NBAS: variants seen among roughly 807,000 people sequenced by gnomAD.
NBAS encodes the protein NAG/BC035112 fusion.
NBAS carries 219 observed loss-of-function variants against 302.5 expected under a neutral mutation model. That is an observed-to-expected ratio of 0.72 (90% CI 0.65 to 0.81). The LOEUF is 0.81. Ranked by LOEUF, NBAS falls within the 30% of genes least tolerant of loss-of-function variation. The pLI is 0.00. For missense variants in NBAS, 2,932 were observed against 2,841.6 expected (o/e 1.03, Z -0.72); for synonymous variants, 1,118 against 1,021.6 (o/e 1.09, Z -1.80).
chr2:15,511,196 C>T lies in NBAS; in HGVS notation c.885+16G>A. ...AATGACACATAGCAAAGTGAAGTGC[C>T]ATAACTCATACTTACTGCAGTAACC... On this transcript the variant is annotated intron_variant, in intron 10 of 51. Coordinates refer to ENST00000281513, the MANE Select transcript of NBAS (RefSeq NM_015909.4). 6.2e-7 allele frequency: 1 copy of T among 1,613,860 alleles called. No individual in the cohort carries two copies. The highest frequency in any genetic ancestry group is 1.1e-5 in the South Asian group (1 of 91,058).
At chr2:15,192,894 G>A (rs1031272873) in intron 48 of NBAS, among the ~76,000 whole-genome samples, 1 of 152,126 alleles carries the variant, frequency 6.6e-6, no homozygotes, top group Admixed American at 6.5e-5. Flanking sequence ...GTGATGCACT[G>A]TATGAATAGG....
the NBAS span, among the ~76,000 whole-genome samples, chr2:15,070,639 C>T: frequency 1.3e-5 from 2 of 152,128 alleles, no homozygotes; most frequent in African/African-American, 4.8e-5. Flanking sequence ...ACTCCATGCC[C>T]CCTCACACTA....
the NBAS span, among the ~76,000 whole-genome samples, chr2:14,908,037 T>C: frequency 6.6e-6 from 1 of 152,182 alleles, no homozygotes; most frequent in African/African-American, 2.4e-5. Context: ...ACCCTGGACA[T>C]GAATCAGAAA....
chr2:15,450,137 T>A (rs1400085011), intron 21 of NBAS, among the ~76,000 whole-genome samples: 1 of 152,122 alleles, frequency 6.6e-6, no homozygotes, highest in Non-Finnish European at 1.5e-5. Flanking sequence ...TCTTTTTAAA[T>A]TTCAGGGAAT....
At chr2:14,933,297 G>A in the NBAS span, among the ~76,000 whole-genome samples, 1 of 152,062 alleles carries the variant, frequency 6.6e-6, no homozygotes, top group African/African-American at 2.4e-5. Context: ...CATTTTGTGT[G>A]GAAATTTACC....
intron 35 of NBAS, among the ~76,000 whole-genome samples, chr2:15,338,974 C>T (rs557535173): frequency 6.6e-6 from 1 of 152,242 alleles, no homozygotes; most frequent in South Asian, 2.1e-4. Flanking sequence ...AACTGCACCA[C>T]ACTGCACTCC....
At chr2:15,361,556 G>T (rs771022262) in intron 32 of NBAS, among the ~76,000 whole-genome samples, 2 of 152,046 alleles carry the variant, frequency 1.3e-5, no homozygotes, top group Non-Finnish European at 2.9e-5. Flanking sequence ...AATTCGGAAT[G>T]TTATTTTCAA....
In NBAS at chr2:15,541,889, G is replaced by A. The variant is rs1221945030; in HGVS notation, c.380-2533C>T. 3.6e-5 allele frequency among the ~76,000 whole-genome samples: 2 copies of A among 54,868 alleles called. 1 individual carries two copies. The highest frequency in any genetic ancestry group is 3.3e-4 in the Admixed American group (2 of 6,016). The allele number at this position is 54,868 out of a possible 152,430, so 36.0% of individuals were successfully genotyped here. ...AGCCCCCCGCCCGGCCAGCCGCCCC[G>A]TCCGGGAGGGAGGTGGGGGGGTTCA... On this transcript the variant is annotated intron_variant, in intron 6 of 51. Coordinates refer to ENST00000281513, the MANE Select transcript of NBAS (RefSeq NM_015909.4).
intron 16 of NBAS, 108 bp downstream of exon 16, chr2:15,473,114 G>T: frequency 8.0e-7 from 1 of 1,249,436 alleles, no homozygotes; most frequent in Non-Finnish European, 1.1e-6. Flanking sequence ...TTCATTGGCT[G>T]TATTATAGAA....
intron 21 of NBAS, among the ~76,000 whole-genome samples, chr2:15,429,034 T>C (rs1336576047): frequency 2.3e-5 from 2 of 87,098 alleles, no homozygotes; most frequent in Non-Finnish European, 5.0e-5. Context: ...TGATACTCTG[T>C]CTCAAAAAAA....
intron 44 of NBAS, among the ~76,000 whole-genome samples, chr2:15,243,723 T>C (rs1175086448): frequency 6.6e-6 from 1 of 152,122 alleles, no homozygotes; most frequent in African/African-American, 2.4e-5. Flanking sequence ...TGTTGGGTGT[T>C]ATATGATGCT....
chr2:14,821,813 C>G, the NBAS span, among the ~76,000 whole-genome samples: 1 of 151,908 alleles, frequency 6.6e-6, no homozygotes, highest in Non-Finnish European at 1.5e-5. Flanking sequence ...GAGTTCAAGA[C>G]CAGCCTGGCC....
the NBAS span, among the ~76,000 whole-genome samples, chr2:15,106,416 C>A: frequency 6.7e-6 from 1 of 149,700 alleles, no homozygotes. Context: ...ATCTTGAAGT[C>A]TTGGGTGTCT....
At chr2:15,459,305 T>C (rs1012417269) in intron 21 of NBAS, among the ~76,000 whole-genome samples, 3 of 152,172 alleles carry the variant, frequency 2.0e-5, no homozygotes, top group African/African-American at 7.2e-5. Flanking sequence ...TTCTCTATAC[T>C]AACAATTTAC....
In NBAS at chr2:15,534,644, A is replaced by T; in HGVS notation, c.648-3T>A. On this transcript the variant is annotated splice_region_variant and splice_polypyrimidine_tract_variant and intron_variant, in intron 8 of 51. Transcript: ENST00000281513. Reference sequence around the variant, plus strand: ...GGTAGCTCTGATTTGTTCCAACACTAAATTTAAGAGGGTATGAAAGAAGTA... The same window carrying T: ...GGTAGCTCTGATTTGTTCCAACACTTAATTTAAGAGGGTATGAAAGAAGTA... 1 of 1,604,664 alleles carries T rather than the reference A, an allele frequency of 6.2e-7. No individual in the cohort carries two copies. The highest frequency in any genetic ancestry group is 8.5e-7 in the Non-Finnish European group (1 of 1,171,392).
At chr2:15,522,449 A>G (rs1179771188) in intron 9 of NBAS, among the ~76,000 whole-genome samples, 2 of 152,228 alleles carry the variant, frequency 1.3e-5, no homozygotes, top group Non-Finnish European at 2.9e-5. Context: ...CACAGAATAT[A>G]ATAAGTAGGA....
chr2:15,130,776 C>T, the NBAS span, among the ~76,000 whole-genome samples: 5 of 152,298 alleles, frequency 3.3e-5, no homozygotes, highest in Middle Eastern at 3.4e-3. Context: ...TCCCTTGACC[C>T]CTCCCATCCT....
the NBAS span, among the ~76,000 whole-genome samples, chr2:14,852,726 A>G: frequency 6.0e-5 from 9 of 149,464 alleles, no homozygotes; most frequent in Non-Finnish European, 1.3e-4. Flanking sequence ...AAACAGAGAT[A>G]TAGATCAATG....
At chr2:14,924,119 G>A in the NBAS span, among the ~76,000 whole-genome samples, 1 of 152,186 alleles carries the variant, frequency 6.6e-6, no homozygotes, top group African/African-American at 2.4e-5. Context: ...CATAAACATG[G>A]AGGGTAGAAC....
Sources: allele counts gnomAD v4.1 joint callset (sites outside exome capture counted in the v4.1 genomes callset), GRCh38; gene constraint gnomAD v4.1.1; transcripts MANE v1.5; gene names NCBI Gene and HGNC (gene_info 2026-07-23, HGNC 2026-07-21).